Variants in RARB observed in about 807,000 individuals in gnomAD.
RARB encodes HBV-activated protein.
In RARB, 17 loss-of-function variants were observed where a neutral mutation model predicts 51.9. The ratio of observed to expected loss-of-function variants is 0.33; its 90% CI spans 0.22 to 0.49. The LOEUF (loss-of-function observed/expected upper bound fraction) is 0.49, where lower values mean the gene tolerates loss of function less well. RARB is among the 20% of genes least tolerant of loss of function. RARB has a pLI of 0.99. For synonymous variants in RARB, 215 were observed against 195.4 expected (o/e 1.10, Z -0.84); for missense variants, 369 against 550.8 (o/e 0.67, Z 3.30).
At chr3:25,060,994 A>G (rs1417550085) in intron 3 of RARB, among the ~76,000 whole-genome samples, 1 of 151,916 alleles carries the variant, frequency 6.6e-6, no homozygotes, top group Non-Finnish European at 1.5e-5. Context: ...CAACAACTCA[A>G]AGACTTACAT....
chr3:24,957,416 C>T (rs1696040921), intron 2 of RARB, among the ~76,000 whole-genome samples: 1 of 152,048 alleles, frequency 6.6e-6, no homozygotes, highest in South Asian at 2.1e-4. Flanking sequence ...GACGACAGCC[C>T]ATAAGAGTTG....
At chr3:25,380,216 A>G (rs6768396) in intron 5 of RARB, among the ~76,000 whole-genome samples, 122,611 of 152,124 alleles carry the variant, frequency 0.81, 50,010 homozygotes, top group East Asian at 0.99. Flanking sequence ...CCAACTCCTA[A>G]GGAGGTCCCA....
At chr3:25,100,238 A>C (rs1699373977) in intron 3 of RARB, among the ~76,000 whole-genome samples, 1 of 152,198 alleles carries the variant, frequency 6.6e-6, no homozygotes, top group Non-Finnish European at 1.5e-5. Flanking sequence ...GCAATAATTG[A>C]ATCAATAGCA....
intron 2 of RARB, among the ~76,000 whole-genome samples, chr3:24,865,407 A>C (rs1317772719): frequency 6.6e-6 from 1 of 152,146 alleles, no homozygotes; most frequent in Non-Finnish European, 1.5e-5. Flanking sequence ...CATCTTCAGC[A>C]TTGACTCATT....
At chr3:25,055,798 G>A (rs553415607) in intron 2 of RARB, among the ~76,000 whole-genome samples, 1 of 152,176 alleles carries the variant, frequency 6.6e-6, no homozygotes, top group Admixed American at 6.5e-5. Context: ...AAACCAGGAA[G>A]CTGGTGTATT....
At chr3:25,041,122 G>T (rs1698106207) in intron 2 of RARB, among the ~76,000 whole-genome samples, 1 of 152,134 alleles carries the variant, frequency 6.6e-6, no homozygotes, top group Non-Finnish European at 1.5e-5. Flanking sequence ...ATTATCACAT[G>T]GTCTTTACTG....
At chr3:25,215,144 CA>C (rs1279540102) in intron 5 of RARB, among the ~76,000 whole-genome samples, 1 of 152,184 alleles carries the variant, frequency 6.6e-6, no homozygotes, top group Non-Finnish European at 1.5e-5. Flanking sequence ...GCCCAAGTGT[CA>C]GTACCTTAGC....
At chr3:25,337,925 C>G (rs573781848) in intron 5 of RARB, among the ~76,000 whole-genome samples, 15 of 152,116 alleles carry the variant, frequency 9.9e-5, no homozygotes, top group Non-Finnish European at 1.5e-5. Context: ...TTTAGTTGAA[C>G]TAAGTTTACC....
At chr3:24,894,673 G>A (rs542274049) in intron 2 of RARB, among the ~76,000 whole-genome samples, 1 of 152,292 alleles carries the variant, frequency 6.6e-6, no homozygotes, top group Admixed American at 6.5e-5. Flanking sequence ...AGAAAGTTCT[G>A]TGACTTAGCC....
intron 2 of RARB, among the ~76,000 whole-genome samples, chr3:25,043,552 A>T (rs574208170): frequency 6.6e-6 from 1 of 152,380 alleles, no homozygotes; most frequent in South Asian, 2.1e-4. Context: ...AATAGATTCA[A>T]AAAGAAAGAA....
intron 1 of RARB, among the ~76,000 whole-genome samples, chr3:25,450,670 A>G (rs1316653475): frequency 6.6e-6 from 1 of 152,148 alleles, no homozygotes; most frequent in Non-Finnish European, 1.5e-5. Context: ...GCATTGTGAG[A>G]TGTTTTGTAG....
chr3:25,210,553 T>TTTTTTTATTTTTTTTTTTTTTTTTGA (rs869216441), intron 5 of RARB, among the ~76,000 whole-genome samples: 1 of 82,498 alleles, frequency 1.2e-5, no homozygotes, highest in Non-Finnish European at 2.4e-5. Context: ...TTTTTTTTTT[T>TTTTTTTATTTTTTTTTTTTTTTTTGA]GAGATTGAGT....
chr3:25,541,626 A>G lies in RARB; in HGVS notation c.449-28132A>G, dbSNP rs189123059. 2.0e-5 allele frequency among the ~76,000 whole-genome samples: 3 copies of G among 152,350 alleles called. No homozygotes were observed. The East Asian group carries it at 5.8e-4, about 29-fold the overall frequency. On this transcript the variant is annotated intron_variant, in intron 3 of 7. Coordinates refer to ENST00000330688, the MANE Select transcript of RARB (RefSeq NM_000965.5). Reference sequence around the variant, plus strand: ...CAGTCAAAAAGGGAGAGTTTAGCTTAGAATCATGAACATTTCCCCTTACAC... The same window carrying G: ...CAGTCAAAAAGGGAGAGTTTAGCTTGGAATCATGAACATTTCCCCTTACAC...
intron 2 of RARB, among the ~76,000 whole-genome samples, chr3:24,996,544 G>A (rs534330234): frequency 2.0e-5 from 3 of 151,192 alleles, no homozygotes; most frequent in East Asian, 2.0e-4. Flanking sequence ...GCATCATTCG[G>A]TTGTTTATTT....
chr3:25,406,733 GGAGA>G (rs1707419726), intron 5 of RARB, among the ~76,000 whole-genome samples: 1 of 152,190 alleles, frequency 6.6e-6, no homozygotes, highest in Non-Finnish European at 1.5e-5. Context: ...GGGAATGAAG[GGAGA>G]AAGGGCGTGT....
At chr3:25,573,010 C>T (rs1700768318) in intron 4 of RARB, among the ~76,000 whole-genome samples, 1 of 152,146 alleles carries the variant, frequency 6.6e-6, no homozygotes, top group South Asian at 2.1e-4. Context: ...GGCATTGCCA[C>T]TCCTGCGAGC....
At chr3:25,274,334 C>A (rs1006541678) in intron 5 of RARB, among the ~76,000 whole-genome samples, 1 of 152,118 alleles carries the variant, frequency 6.6e-6, no homozygotes, top group South Asian at 2.1e-4. Flanking sequence ...AGCAGCCACA[C>A]GCAACTAATG....
At chr3:24,833,571 A>C (rs1041712449) in intron 1 of RARB, among the ~76,000 whole-genome samples, 2 of 152,214 alleles carry the variant, frequency 1.3e-5, no homozygotes, top group African/African-American at 4.8e-5. Context: ...GATGTTTCCC[A>C]AGCATATCTA....
chr3:25,227,343 T>A (rs962048282), intron 5 of RARB, among the ~76,000 whole-genome samples: 1 of 152,236 alleles, frequency 6.6e-6, no homozygotes, highest in Non-Finnish European at 1.5e-5. Flanking sequence ...GGGGAATTTA[T>A]TTGATGTTCA....
Sources: gnomAD v4.1 joint callset for allele counts (sites outside exome capture counted in the v4.1 genomes callset) on GRCh38, gnomAD v4.1.1 for gene constraint, MANE v1.5 for transcripts, NCBI Gene and HGNC (gene_info 2026-07-23, HGNC 2026-07-21) for gene names.